Variants in PIBF1 observed in about 807,000 individuals in gnomAD.
PIBF1 encodes progesterone-induced-blocking factor 1.
A neutral mutation model predicts 112.5 loss-of-function variants in PIBF1; 90 were observed. That is an observed-to-expected ratio of 0.80 (90% CI 0.67 to 0.95). PIBF1 has a LOEUF of 0.95. Ranked by LOEUF, PIBF1 falls within the 40% of genes least tolerant of loss-of-function variation. The pLI is 0.00. For missense variants in PIBF1, 915 were observed against 852.3 expected, an observed-to-expected ratio of 1.07 and a Z score of -0.92; for synonymous variants, 301 against 288.6, an observed-to-expected ratio of 1.04 and a Z score of -0.44.
intron 13 of PIBF1, among the ~76,000 whole-genome samples, chr13:72,920,451 T>C (rs906280982): frequency 2.0e-5 from 3 of 152,230 alleles, no homozygotes; most frequent in Non-Finnish European, 4.4e-5. Context: ...AATTGATCAA[T>C]GGCACTAAAG....
intron 15 of PIBF1, among the ~76,000 whole-genome samples, chr13:72,966,385 T>C (rs2042738589): frequency 6.6e-6 from 1 of 152,202 alleles, no homozygotes; most frequent in African/African-American, 2.4e-5. Flanking sequence ...TAGGAGCACA[T>C]TTATACCTTA....
chr13:72,829,516 C>G (rs750358999), intron 8 of PIBF1, among the ~76,000 whole-genome samples: 5 of 152,152 alleles, frequency 3.3e-5, no homozygotes, highest in Non-Finnish European at 7.4e-5. Flanking sequence ...GTTTTCCAAA[C>G]AACATTTATT....
intron 14 of PIBF1, among the ~76,000 whole-genome samples, chr13:72,961,913 T>G (rs1228539990): frequency 6.6e-6 from 1 of 152,134 alleles, no homozygotes; most frequent in Non-Finnish European, 1.5e-5. Context: ...ACTTTTGTCT[T>G]GTGTGTTAAG....
intron 13 of PIBF1, among the ~76,000 whole-genome samples, chr13:72,930,743 ACT>A (rs1297706384): frequency 6.6e-5 from 10 of 152,032 alleles, no homozygotes; most frequent in African/African-American, 2.2e-4. Context: ...TTTAAAGTAA[ACT>A]CTGATACTTC....
At chr13:72,960,100 T>C (rs530536606) in intron 14 of PIBF1, among the ~76,000 whole-genome samples, 128 of 152,346 alleles carry the variant, frequency 8.4e-4, no homozygotes, top group African/African-American at 3.0e-3. Flanking sequence ...CTTTGGGGAT[T>C]TAGAAGCCTA....
chr13:72,945,524 T>G (rs1414014737), intron 14 of PIBF1, among the ~76,000 whole-genome samples: 2 of 152,204 alleles, frequency 1.3e-5, no homozygotes, highest in African/African-American at 2.4e-5. Context: ...AAGCATTCCC[T>G]TTTCTCCTCA....
At chr13:72,886,215 G>A (rs1224184901) in intron 10 of PIBF1, among the ~76,000 whole-genome samples, 1 of 151,890 alleles carries the variant, frequency 6.6e-6, no homozygotes. Flanking sequence ...GACTTTTTAA[G>A]ATTCAGTTTA....
intron 10 of PIBF1, among the ~76,000 whole-genome samples, chr13:72,861,724 C>A (rs946876307): frequency 2.0e-5 from 3 of 152,092 alleles, no homozygotes; most frequent in Non-Finnish European, 4.4e-5. Flanking sequence ...TGCCACCACA[C>A]CTGGCTAATT....
chr13:72,812,836 G>C (rs2138070896), intron 5 of PIBF1, among the ~76,000 whole-genome samples: 1 of 151,958 alleles, frequency 6.6e-6, no homozygotes, highest in South Asian at 2.1e-4. Flanking sequence ...GCACACATCT[G>C]TGGTCCCAGG....
chr13:72,822,117 G>A, intron 6 of PIBF1, 135 bp downstream of exon 6: 1 of 692,954 alleles, frequency 1.4e-6, no homozygotes, highest in Non-Finnish European at 2.3e-6. Flanking sequence ...TGCAGTTTTG[G>A]CAGTTTGTTG....
chr13:72,857,121 TA>T (rs1188356990), intron 10 of PIBF1, among the ~76,000 whole-genome samples: 2 of 152,158 alleles, frequency 1.3e-5, no homozygotes, highest in Admixed American at 1.3e-4. Context: ...CTGTGGCTTA[TA>T]TGGAAAAATT....
At chr13:72,987,858 ATTTT>A (rs55999445) in intron 16 of PIBF1, among the ~76,000 whole-genome samples, 1 of 58,136 alleles carries the variant, frequency 1.7e-5, no homozygotes, top group African/African-American at 9.3e-5. Context: ...TTATTTATTT[ATTTT>A]TTTTTTTTTT....
intron 5 of PIBF1, among the ~76,000 whole-genome samples, chr13:72,814,279 T>TA (rs1443364866): frequency 6.6e-6 from 1 of 151,694 alleles, no homozygotes; most frequent in Admixed American, 6.6e-5. Flanking sequence ...CTACTAAAAA[T>TA]ACAAAAATTA....
chr13:72,902,006 ATGTGTGTG>A (rs137877705), intron 11 of PIBF1, among the ~76,000 whole-genome samples: 1 of 147,826 alleles, frequency 6.8e-6, no homozygotes, highest in Non-Finnish European at 1.5e-5. Context: ...GTGTATGTAT[ATGTGTGTG>A]TGTGTGTGTA....
At chr13:72,840,091 ACTAG>A (rs1358677781) in intron 9 of PIBF1, among the ~76,000 whole-genome samples, 1 of 152,164 alleles carries the variant, frequency 6.6e-6, no homozygotes, top group Non-Finnish European at 1.5e-5. Context: ...AGGACACCTA[ACTAG>A]CTAGGTGTAC....
At chr13:73,010,951 C>G (rs2044185711) in intron 17 of PIBF1, among the ~76,000 whole-genome samples, 1 of 149,706 alleles carries the variant, frequency 6.7e-6, no homozygotes, top group Non-Finnish European at 1.5e-5. Flanking sequence ...CTCAGCCTCC[C>G]AAGTAGATGG....
intron 10 of PIBF1, among the ~76,000 whole-genome samples, chr13:72,857,797 A>G (rs1484042084): frequency 6.6e-6 from 1 of 152,086 alleles, no homozygotes; most frequent in Admixed American, 6.5e-5. Flanking sequence ...CCGAGATTGC[A>G]CCATTGCACT....
At chr13:72,811,608 A>AAAAAAAG (rs199831981) in intron 5 of PIBF1, among the ~76,000 whole-genome samples, 2 of 139,652 alleles carry the variant, frequency 1.4e-5, no homozygotes, top group Non-Finnish European at 3.0e-5. Flanking sequence ...AAAAAAAAAA[A>AAAAAAAG]AGAGAGAGAA....
chr13:72,850,548 A>G (rs903467161), intron 9 of PIBF1, among the ~76,000 whole-genome samples: 1 of 152,190 alleles, frequency 6.6e-6, no homozygotes, highest in African/African-American at 2.4e-5. Context: ...AGGAAATGTT[A>G]TTAGGGACTG....
Sources: gnomAD v4.1 joint callset for allele counts (sites outside exome capture counted in the v4.1 genomes callset) on GRCh38, gnomAD v4.1.1 for gene constraint, MANE v1.5 for transcripts, NCBI Gene and HGNC (gene_info 2026-07-23, HGNC 2026-07-21) for gene names.